Variants in DLG2 observed in about 807,000 individuals in gnomAD.
DLG2 encodes the protein disks large homolog 2.
Under a neutral mutation model 132.5 loss-of-function variants are expected in DLG2, and 45 were observed. The observed-to-expected ratio is 0.34, with a 90% confidence interval of 0.27 to 0.44. DLG2 has a LOEUF of 0.44. DLG2 is among the 20% of genes least tolerant of loss of function. The pLI, the probability that DLG2 is intolerant of heterozygous loss-of-function variation, is 1.00. For synonymous variants in DLG2, 424 were observed against 419.6 expected, an observed-to-expected ratio of 1.01 and a Z score of -0.13; for missense variants, 1,045 against 1,196.9, an observed-to-expected ratio of 0.87 and a Z score of 1.87.
intron 7 of DLG2, among the ~76,000 whole-genome samples, chr11:84,506,176 A>C (rs543343461): frequency 2.7e-5 from 4 of 148,028 alleles, no homozygotes; most frequent in Non-Finnish European, 4.5e-5. Flanking sequence ...CCCGGGTTCA[A>C]GCCATTCTCC....
intron 6 of DLG2, among the ~76,000 whole-genome samples, chr11:84,612,860 C>T (rs1454382037): frequency 1.3e-5 from 2 of 152,084 alleles, no homozygotes; most frequent in African/African-American, 4.8e-5. Context: ...TTGTCCAATA[C>T]ACCAGAGCTA....
chr11:84,832,930 T>C (rs2079226022), intron 6 of DLG2, among the ~76,000 whole-genome samples: 2 of 151,600 alleles, frequency 1.3e-5, no homozygotes, highest in Admixed American at 6.6e-5. Context: ...CCCAAAGTCT[T>C]ATCTGTGCCA....
At chr11:84,388,173 C>T (rs2098778600) in intron 7 of DLG2, among the ~76,000 whole-genome samples, 2 of 152,114 alleles carry the variant, frequency 1.3e-5, no homozygotes, top group Non-Finnish European at 2.9e-5. Context: ...CACAGAATTC[C>T]AATAATAACA....
At chr11:84,679,763 C>G (rs2099724022) in intron 6 of DLG2, among the ~76,000 whole-genome samples, 1 of 152,056 alleles carries the variant, frequency 6.6e-6, no homozygotes, top group East Asian at 1.9e-4. Context: ...GATTAAGAAA[C>G]TGAGATGCAG....
chr11:83,639,069 C>G (rs937728498), intron 18 of DLG2, among the ~76,000 whole-genome samples: 1 of 152,226 alleles, frequency 6.6e-6, no homozygotes, highest in Non-Finnish European at 1.5e-5. Flanking sequence ...TAGGATTAAT[C>G]TGCATTGATT....
chr11:85,462,657 G>A (rs940666547), intron 3 of DLG2, among the ~76,000 whole-genome samples: 1 of 152,044 alleles, frequency 6.6e-6, no homozygotes, highest in Non-Finnish European at 1.5e-5. Context: ...GTTGTGGGGT[G>A]GGGGGAGCGG....
rs138012054 is a variant in DLG2 at position 84,292,097 on chromosome 11, T to C, written c.520-40806A>G. On this transcript the variant is annotated intron_variant, in intron 7 of 27. Transcript: ENST00000376104. The stretch of plus-strand genomic sequence containing the variant: ...ATGAAAAATAACATGGCCATATTGG[T>C]TGGAAGTCTAGGCGAGGTTGGGAAA... Among the ~76,000 whole-genome samples, 1,128 of 152,122 alleles carry C rather than the reference T, an allele frequency of 7.4e-3. 13 individuals are homozygous for C. Among genetic ancestry groups the C allele is most frequent in the African/African-American group, 0.026 (1,082 of 41,506 alleles).
chr11:83,612,820 T>C (rs558915283), intron 19 of DLG2, among the ~76,000 whole-genome samples: 17 of 121,916 alleles, frequency 1.4e-4, no homozygotes, highest in African/African-American at 5.5e-4. Context: ...AGGAACAAAG[T>C]GCTTCCTGAG....
intron 4 of DLG2, among the ~76,000 whole-genome samples, chr11:85,249,864 T>C (rs1440440605): frequency 1.3e-5 from 2 of 152,114 alleles, no homozygotes; most frequent in Admixed American, 6.5e-5. Context: ...CTGAAGCAAC[T>C]AAGAACCTCT....
chr11:84,139,043 A>AT (rs1422335046), intron 9 of DLG2, among the ~76,000 whole-genome samples: 1 of 151,742 alleles, frequency 6.6e-6, no homozygotes, highest in Non-Finnish European at 1.5e-5. Flanking sequence ...AAGAAAGATT[A>AT]TTTTTTCCTT....
At chr11:84,551,273 A>G (rs551793886) in intron 6 of DLG2, among the ~76,000 whole-genome samples, 103 of 152,326 alleles carry the variant, frequency 6.8e-4, no homozygotes, top group African/African-American at 2.4e-3. Context: ...ATAGTGTCTA[A>G]TAAAATGCCT....
At chr11:85,503,686 C>T (rs978218767) in intron 3 of DLG2, among the ~76,000 whole-genome samples, 2 of 152,172 alleles carry the variant, frequency 1.3e-5, no homozygotes, top group South Asian at 4.1e-4. Context: ...AATCCCAACA[C>T]CTTGGGAGCC....
At chr11:84,139,825 C>G (rs1489802817) in intron 9 of DLG2, among the ~76,000 whole-genome samples, 1 of 152,096 alleles carries the variant, frequency 6.6e-6, no homozygotes, top group East Asian at 1.9e-4. Flanking sequence ...CGCTTTCAAA[C>G]AGTAATTGTT....
In DLG2 at chr11:84,086,115, C is replaced by A. The variant is rs531609620; in HGVS notation, c.749+12808G>T. Among the ~76,000 whole-genome samples, 98 of 152,308 alleles carry A rather than the reference C, an allele frequency of 6.4e-4. 1 individual carries two copies. The highest frequency in any genetic ancestry group is 2.1e-3 in the African/African-American group (87 of 41,558). On this transcript the variant is annotated intron_variant, in intron 10 of 27. Coordinates refer to ENST00000376104, the MANE Select transcript of DLG2 (RefSeq NM_001142699.3). ...CACCATACAGACATGGAGCCCCAAA[C>A]AAATGGTACTCTCTACTTGGTTAGA... is the stretch of plus-strand genomic sequence containing the variant.
intron 6 of DLG2, among the ~76,000 whole-genome samples, chr11:84,554,595 A>C (rs1409270203): frequency 6.6e-6 from 1 of 151,984 alleles, no homozygotes; most frequent in Non-Finnish European, 1.5e-5. Context: ...AAATATACAA[A>C]ATTAGCCGGG....
chr11:85,323,879 C>CT (rs1301295574), intron 3 of DLG2, among the ~76,000 whole-genome samples: 2 of 152,204 alleles, frequency 1.3e-5, no homozygotes, highest in Non-Finnish European at 2.9e-5. Context: ...ATATATACCA[C>CT]TTTTTTTAAA....
chr11:84,630,272 A>C (rs535891147), intron 6 of DLG2, among the ~76,000 whole-genome samples: 38 of 152,320 alleles, frequency 2.5e-4, no homozygotes, highest in African/African-American at 6.3e-4. Context: ...TAAATAACTC[A>C]GAAGGGGCAA....
chr11:83,878,654 A>T (rs2065369550), intron 15 of DLG2, among the ~76,000 whole-genome samples: 1 of 152,178 alleles, frequency 6.6e-6, no homozygotes, highest in East Asian at 1.9e-4. Context: ...TAATAAAGGA[A>T]CTTCTCTGTC....
intron 6 of DLG2, chr11:84,997,193 A>G (rs1311273500): frequency 1.3e-5 from 2 of 153,108 alleles, no homozygotes; most frequent in African/African-American, 2.4e-5. Context: ...TGCACATCAA[A>G]AATTACACGA....
Sources: allele counts gnomAD v4.1 joint callset (sites outside exome capture counted in the v4.1 genomes callset), GRCh38; gene constraint gnomAD v4.1.1; transcripts MANE v1.5; gene names NCBI Gene and HGNC (gene_info 2026-07-23, HGNC 2026-07-21).